Variants in EPHA5 observed in about 807,000 individuals in gnomAD.
The protein encoded by EPHA5 is ephrin type-A receptor 5.
In EPHA5, 60 loss-of-function variants were observed where a neutral mutation model predicts 105.0. The observed-to-expected ratio is 0.57, with a 90% CI of 0.46 to 0.71. The LOEUF (loss-of-function observed/expected upper bound fraction) is 0.71. Among genes scored for constraint, EPHA5 ranks in the 30% least tolerant of loss-of-function variants. EPHA5 has a pLI of 0.00. For synonymous variants in EPHA5, 513 were observed against 449.1 expected (o/e 1.14, Z -1.80); for missense variants, 1,218 against 1,274.7 (o/e 0.96, Z 0.68).
intron 5 of EPHA5, among the ~76,000 whole-genome samples, chr4:65,489,428 T>C (rs2149209710): frequency 6.6e-6 from 1 of 152,302 alleles, no homozygotes; most frequent in Admixed American, 6.5e-5. Context: ...ATGTGCTCAG[T>C]GACCAAAGCC....
At chr4:65,387,471 A>G (rs1347496064) in intron 8 of EPHA5, among the ~76,000 whole-genome samples, 1 of 152,030 alleles carries the variant, frequency 6.6e-6, no homozygotes, top group African/African-American at 2.4e-5. Flanking sequence ...TAAAATGCAC[A>G]TCTACTTATA....
chr4:65,657,297 A>G, intron 1 of EPHA5, among the ~76,000 whole-genome samples: 1 of 152,154 alleles, frequency 6.6e-6, no homozygotes, highest in East Asian at 1.9e-4. Flanking sequence ...CTGGAGGTAA[A>G]ATTAAGACAT....
At chr4:65,576,029 AGAAAG>A (rs1560720857) in intron 3 of EPHA5, among the ~76,000 whole-genome samples, 30 of 118,936 alleles carry the variant, frequency 2.5e-4, no homozygotes, top group South Asian at 1.8e-3. Context: ...AAAGAAAGAA[AGAAAG>A]AAAGAAAGAA....
chr4:65,661,285 A>G (rs1749538580), intron 1 of EPHA5, among the ~76,000 whole-genome samples: 1 of 151,920 alleles, frequency 6.6e-6, no homozygotes, highest in South Asian at 2.1e-4. Flanking sequence ...GTTGTTGTTG[A>G]TCTGTCTGTA....
At chr4:65,528,505 G>A (rs116487181) in intron 3 of EPHA5, among the ~76,000 whole-genome samples, 2 of 151,900 alleles carry the variant, frequency 1.3e-5, no homozygotes. Flanking sequence ...AAAAAAATCC[G>A]TAGAGAATTC....
intron 11 of EPHA5, among the ~76,000 whole-genome samples, chr4:65,362,019 A>G (rs2148881069): frequency 6.6e-6 from 1 of 151,718 alleles, no homozygotes; most frequent in Admixed American, 6.6e-5. Context: ...TATTACACTA[A>G]AGTGTCTTGC....
At chr4:65,541,962 G>A (rs144367344) in intron 3 of EPHA5, among the ~76,000 whole-genome samples, 2,548 of 152,108 alleles carry the variant, frequency 0.017, 45 homozygotes, top group Non-Finnish European at 0.023. Context: ...CGACAACATG[G>A]AAATTGAACA....
At chr4:65,668,082 A>G (rs1750107826) in intron 1 of EPHA5, among the ~76,000 whole-genome samples, 1 of 152,238 alleles carries the variant, frequency 6.6e-6, no homozygotes, top group Non-Finnish European at 1.5e-5. Context: ...ATATATGTAT[A>G]TAGATAAATG....
chr4:65,534,756 T>C (rs1479123964), intron 3 of EPHA5, among the ~76,000 whole-genome samples: 1 of 152,226 alleles, frequency 6.6e-6, no homozygotes, highest in Non-Finnish European at 1.5e-5. Context: ...GATGCAATGT[T>C]CATATCTTTG....
chr4:65,472,552 G>C (rs1729391961), intron 5 of EPHA5, among the ~76,000 whole-genome samples: 1 of 152,148 alleles, frequency 6.6e-6, no homozygotes, highest in Admixed American at 6.5e-5. Flanking sequence ...CTCAATTCTT[G>C]ACTTCTGTGC....
chr4:65,539,006 A>G (rs1223774490), intron 3 of EPHA5, among the ~76,000 whole-genome samples: 2 of 151,580 alleles, frequency 1.3e-5, no homozygotes, highest in Non-Finnish European at 3.0e-5. Context: ...AGAGAAGTAA[A>G]TTGTTCTCTG....
chr4:65,524,061 T>C (rs571744849), intron 3 of EPHA5, among the ~76,000 whole-genome samples: 1 of 151,954 alleles, frequency 6.6e-6, no homozygotes, highest in South Asian at 2.1e-4. Context: ...ATTTTACTAA[T>C]GGCAACATTG....
chr4:65,364,447 G>A (rs1281909972), intron 11 of EPHA5, among the ~76,000 whole-genome samples: 1 of 151,598 alleles, frequency 6.6e-6, no homozygotes, highest in Non-Finnish European at 1.5e-5. Flanking sequence ...AATTAAAAGA[G>A]ATGTAAAATT....
At chr4:65,551,293 T>C (rs1271287634) in intron 3 of EPHA5, among the ~76,000 whole-genome samples, 1 of 151,206 alleles carries the variant, frequency 6.6e-6, no homozygotes, top group Non-Finnish European at 1.5e-5. Context: ...TATATATATA[T>C]ATATATATGG....
intron 16 of EPHA5, among the ~76,000 whole-genome samples, chr4:65,330,115 G>A (rs1294894657): frequency 6.6e-6 from 1 of 151,294 alleles, no homozygotes; most frequent in Non-Finnish European, 1.5e-5. Flanking sequence ...ACTATAGACA[G>A]ACCAATACTT....
At chr4:65,363,533 A>G (rs144352173) in intron 11 of EPHA5, among the ~76,000 whole-genome samples, 79 of 151,618 alleles carry the variant, frequency 5.2e-4, no homozygotes, top group African/African-American at 1.8e-3. Context: ...TTGGCTGCCT[A>G]TGGAGTTTGC....
At chr4:65,499,478 T>C (rs978786164) in intron 3 of EPHA5, among the ~76,000 whole-genome samples, 3 of 151,666 alleles carry the variant, frequency 2.0e-5, no homozygotes, top group Admixed American at 2.0e-4. Flanking sequence ...TATACATCTG[T>C]AGTTCCTCAT....
chr4:65,574,679 C>CATAT (rs10672968), intron 3 of EPHA5, among the ~76,000 whole-genome samples: 11 of 61,098 alleles, frequency 1.8e-4, no homozygotes, highest in Admixed American at 8.8e-4. Flanking sequence ...CATATATATA[C>CATAT]ATATATATAC....
intron 5 of EPHA5, among the ~76,000 whole-genome samples, chr4:65,472,411 G>A (rs182191958): frequency 7.9e-5 from 12 of 152,262 alleles, no homozygotes; most frequent in Non-Finnish European, 1.5e-4. Context: ...TCCCCAGTGG[G>A]GACACTGTGT....
Sources: allele counts gnomAD v4.1 joint callset (sites outside exome capture counted in the v4.1 genomes callset), GRCh38; gene constraint gnomAD v4.1.1; transcripts MANE v1.5; gene names NCBI Gene and HGNC (gene_info 2026-07-23, HGNC 2026-07-21).